The following DSTN variants were observed in gnomAD, a reference collection of about 807,000 sequenced individuals.
DSTN encodes the protein destrin, actin depolymerizing factor.
Under a neutral mutation model 16.8 loss-of-function variants are expected in DSTN, and 10 were observed. That is an observed-to-expected ratio of 0.60 (90% CI 0.37 to 1.01). The LOEUF (loss-of-function observed/expected upper bound fraction) is 1.01. Ranked by LOEUF, DSTN falls within the 50% of genes least tolerant of loss-of-function variation. DSTN has a pLI of 0.01. For synonymous variants in DSTN, 57 were observed against 58.9 expected, an observed-to-expected ratio of 0.97 and a Z score of 0.14; for missense variants, 141 against 196.7, an observed-to-expected ratio of 0.72 and a Z score of 1.69.
intron 1 of DSTN, among the ~76,000 whole-genome samples, chr20:17,577,086 A>G (rs1012881022): frequency 6.6e-6 from 1 of 152,202 alleles, no homozygotes; most frequent in African/African-American, 2.4e-5. Flanking sequence ...TTTTCAGGCT[A>G]TGGGTATAAA....
chr20:17,600,804 T>G lies in DSTN; in HGVS notation c.70T>G (p.Ser24Ala), dbSNP rs773164194. Residue 24 changes from serine to alanine, a missense_variant, in exon 2 of 4, where the codon TCC (serine) becomes GCC (alanine). Transcript: ENST00000246069. Reference protein sequence around the residue: ...IFYDMKVRKCSTPEEIKKRKK... With the variant: ...IFYDMKVRKCATPEEIKKRKK... Reference sequence around the variant, plus strand: ...TTATGACATGAAAGTTCGTAAATGCTCCACACCAGAAGAAATCAAGAAAAG... The same window carrying G: ...TTATGACATGAAAGTTCGTAAATGCGCCACACCAGAAGAAATCAAGAAAAG... The G allele has an allele frequency of 6.2e-7, 1 of 1,613,672 alleles. No homozygotes were observed.
At chr20:17,606,862 C>A (rs2035648182) in intron 3 of DSTN, among the ~76,000 whole-genome samples, 175 bp from the exon 4 acceptor site, 2 of 152,208 alleles carry the variant, frequency 1.3e-5, no homozygotes, top group South Asian at 4.1e-4. Context: ...TGAGGCCCAT[C>A]TATCTTGATG....
chr20:17,572,488 G>A (rs1422302275), intron 1 of DSTN, among the ~76,000 whole-genome samples: 2 of 152,216 alleles, frequency 1.3e-5, no homozygotes, highest in Non-Finnish European at 2.9e-5. Flanking sequence ...TGTAACCAGA[G>A]TATCTTTTAT....
chr20:17,575,537 C>T (rs895345175), intron 1 of DSTN, among the ~76,000 whole-genome samples: 3 of 151,442 alleles, frequency 2.0e-5, no homozygotes, highest in Non-Finnish European at 2.9e-5. Context: ...GAACACAACT[C>T]ACTGCATCGT....
intron 1 of DSTN, among the ~76,000 whole-genome samples, chr20:17,584,063 A>C (rs530860671): frequency 6.6e-6 from 1 of 152,102 alleles, no homozygotes; most frequent in Non-Finnish European, 1.5e-5. Context: ...GTGGTGTTCA[A>C]AATGGTCTAA....
At chr20:17,586,505 T>G (rs550738650) in intron 1 of DSTN, among the ~76,000 whole-genome samples, 1 of 152,230 alleles carries the variant, frequency 6.6e-6, no homozygotes, top group Non-Finnish European at 1.5e-5. Flanking sequence ...TCCCTTCTCT[T>G]TGCTGTTGAT....
chr20:17,585,501 G>A (rs927504234), intron 1 of DSTN, among the ~76,000 whole-genome samples: 19 of 152,142 alleles, frequency 1.2e-4, no homozygotes, highest in Non-Finnish European at 2.5e-4. Flanking sequence ...TTAATATGCT[G>A]TTTCTCAAAG....
At chr20:17,592,041 G>A (rs1339736361) in intron 1 of DSTN, 3 of 985,322 alleles carry the variant, frequency 3.0e-6, no homozygotes, top group African/African-American at 1.7e-5. Flanking sequence ...AGAGCCCTGG[G>A]CAGTGTTGGG....
intron 1 of DSTN, among the ~76,000 whole-genome samples, chr20:17,584,648 G>A (rs1328879959): frequency 5.1e-5 from 7 of 137,142 alleles, no homozygotes; most frequent in African/African-American, 1.6e-4. Context: ...ACGAAACTCC[G>A]TCTCAAAAAA....
chr20:17,593,411 C>T (rs2035492360), intron 1 of DSTN, among the ~76,000 whole-genome samples: 1 of 152,024 alleles, frequency 6.6e-6, no homozygotes, highest in Admixed American at 6.5e-5. Flanking sequence ...ATAAGACAGA[C>T]ACCGTTTATC....
intron 1 of DSTN, among the ~76,000 whole-genome samples, chr20:17,589,492 G>A (rs1408239446): frequency 2.6e-5 from 4 of 152,136 alleles, no homozygotes; most frequent in African/African-American, 7.2e-5. Context: ...GGCGTGAGCC[G>A]CAGCGCCCAG....
intron 1 of DSTN, among the ~76,000 whole-genome samples, chr20:17,586,373 G>A (rs1390088725): frequency 2.0e-5 from 3 of 152,168 alleles, no homozygotes; most frequent in Non-Finnish European, 4.4e-5. Flanking sequence ...AAAACCAATG[G>A]CTTGCCTCAT....
chr20:17,577,233 G>A (rs1019779610), intron 1 of DSTN, among the ~76,000 whole-genome samples: 10 of 152,168 alleles, frequency 6.6e-5, no homozygotes, highest in African/African-American at 1.7e-4. Flanking sequence ...TACTTAACCT[G>A]TAGTAATAGA....
chr20:17,599,440 C>G (rs1484014370), intron 1 of DSTN: 1 of 152,286 alleles, frequency 6.6e-6, no homozygotes, highest in East Asian at 1.9e-4. Context: ...GTCTCATGGT[C>G]ACTCCACAGG....
intron 1 of DSTN, among the ~76,000 whole-genome samples, chr20:17,570,673 T>C (rs1420131141): frequency 3.3e-5 from 5 of 152,224 alleles, no homozygotes; most frequent in Admixed American, 6.5e-5. Context: ...CTTGTGCGCG[T>C]TCCAGCCCTT....
At chr20:17,583,399 T>C (rs948058635) in intron 1 of DSTN, among the ~76,000 whole-genome samples, 6 of 152,190 alleles carry the variant, frequency 3.9e-5, no homozygotes, top group African/African-American at 1.4e-4. Context: ...CAAATGTGCA[T>C]AGCATTATTA....
intron 1 of DSTN, 33 bp from the exon 2 acceptor site, chr20:17,600,705 T>TA: frequency 6.6e-7 from 1 of 1,522,996 alleles, no homozygotes; most frequent in Non-Finnish European, 8.8e-7. Flanking sequence ...ATAAAAATTG[T>TA]AAGTCTTTTT....
chr20:17,591,871 G>A (rs2035472831), intron 1 of DSTN: 1 of 983,792 alleles, frequency 1.0e-6, no homozygotes, highest in Admixed American at 6.2e-5. Context: ...TCTCTGAGAT[G>A]TTAATAAATT....
intron 1 of DSTN, among the ~76,000 whole-genome samples, chr20:17,587,306 G>T (rs977747268): frequency 6.6e-6 from 1 of 151,126 alleles, no homozygotes; most frequent in African/African-American, 2.4e-5. Context: ...TTGCTCTGTT[G>T]CCCAGGCTGG....
Sources: gnomAD v4.1 joint callset for allele counts (sites outside exome capture counted in the v4.1 genomes callset) on GRCh38, gnomAD v4.1.1 for gene constraint, MANE v1.5 for transcripts, NCBI Gene and HGNC (gene_info 2026-07-23, HGNC 2026-07-21) for gene names.